The following ZBTB20 variants were observed in gnomAD, a reference collection of about 807,000 sequenced individuals.
ZBTB20 encodes the protein zinc finger and BTB domain-containing protein 20.
Under a neutral mutation model 56.9 loss-of-function variants are expected in ZBTB20, and 9 were observed. The observed-to-expected ratio is 0.16, with a 90% CI of 0.10 to 0.28. The LOEUF is 0.28. Ranked by LOEUF, ZBTB20 falls within the 10% of genes least tolerant of loss-of-function variation. The pLI is 1.00. For synonymous variants in ZBTB20, 417 were observed against 420.7 expected (o/e 0.99, Z 0.11); for missense variants, 655 against 1,003.0 (o/e 0.65, Z 4.69).
intron 2 of ZBTB20, among the ~76,000 whole-genome samples, chr3:114,979,053 C>T (rs554647376): frequency 2.6e-4 from 40 of 151,492 alleles, no homozygotes; most frequent in Admixed American, 1.1e-3. Flanking sequence ...AAGAGAACAA[C>T]AAAGAAAGAA....
intron 2 of ZBTB20, among the ~76,000 whole-genome samples, chr3:115,057,566 A>G (rs1288309484): frequency 1.3e-5 from 2 of 152,152 alleles, no homozygotes; most frequent in Non-Finnish European, 2.9e-5. Flanking sequence ...GCAAAGTGTT[A>G]CCTTTTAAAT....
chr3:114,489,779 A>T (rs2042529376), intron 7 of ZBTB20, among the ~76,000 whole-genome samples: 1 of 152,242 alleles, frequency 6.6e-6, no homozygotes, highest in Non-Finnish European at 1.5e-5. Context: ...TTTACCCCAG[A>T]TGTATCAGCA....
chr3:114,477,489 C>CTTTTTT (rs765333264), intron 7 of ZBTB20, among the ~76,000 whole-genome samples: 19 of 109,232 alleles, frequency 1.7e-4, no homozygotes, highest in Admixed American at 3.7e-4. Context: ...GTTCCCTGCA[C>CTTTTTT]TTTTTTTTTT....
chr3:115,099,264 TG>T (rs1368666933), intron 1 of ZBTB20, among the ~76,000 whole-genome samples: 4 of 152,176 alleles, frequency 2.6e-5, no homozygotes, highest in African/African-American at 9.6e-5. Flanking sequence ...TTACAGTTGT[TG>T]TGCAAGATGG....
At chr3:114,549,890 G>A (rs937376810) in intron 6 of ZBTB20, among the ~76,000 whole-genome samples, 3 of 150,976 alleles carry the variant, frequency 2.0e-5, no homozygotes, top group African/African-American at 7.3e-5. Context: ...TTGCTTTTCT[G>A]TTTCCTCAAT....
intron 6 of ZBTB20, among the ~76,000 whole-genome samples, chr3:114,548,329 C>T (rs984243528): frequency 6.6e-6 from 1 of 152,146 alleles, no homozygotes; most frequent in African/African-American, 2.4e-5. Flanking sequence ...TGAAAACCTA[C>T]AGGGAGTTGA....
intron 6 of ZBTB20, among the ~76,000 whole-genome samples, chr3:114,520,360 A>G (rs1272834456): frequency 6.6e-6 from 1 of 152,178 alleles, no homozygotes; most frequent in African/African-American, 2.4e-5. Context: ...TTCTTAGAGT[A>G]ATGAGTCAAC....
rs144152822 is a variant in ZBTB20 at position 114,543,406 on chromosome 3, A to G, written c.-294-43015T>C. Among the ~76,000 whole-genome samples the G allele has an allele frequency of 8.3e-4, 123 of 148,606 alleles. 1 individual carries two copies. The highest frequency in any genetic ancestry group is 3.0e-3 in the African/African-American group (120 of 40,282). On this transcript the variant is annotated intron_variant, in intron 6 of 11. Transcript: ENST00000675478. ...CTATGTTAAAGCAATGGTGTAGATG[A>G]GATTTCTCTGAATAGAGGGGAGCAG...
At chr3:114,754,368 T>C (rs894317757) in intron 5 of ZBTB20, among the ~76,000 whole-genome samples, 2 of 152,150 alleles carry the variant, frequency 1.3e-5, no homozygotes, top group Non-Finnish European at 2.9e-5. Flanking sequence ...GACCCCATGA[T>C]ACCCTCTCAT....
At chr3:114,552,398 C>A (rs886430605) in intron 6 of ZBTB20, among the ~76,000 whole-genome samples, 4 of 151,790 alleles carry the variant, frequency 2.6e-5, no homozygotes, top group African/African-American at 7.3e-5. Context: ...GACAGTGACA[C>A]CTTTTTGAGC....
chr3:114,518,747 T>C lies in ZBTB20; in HGVS notation c.-294-18356A>G, dbSNP rs563664815. 7 of 152,344 alleles carry C rather than the reference T, an allele frequency of 4.6e-5. No homozygotes were observed. The South Asian group carries it at 1.2e-3, about 27-fold the overall frequency. 9.4% of individuals were successfully genotyped at this position (152,344 alleles called of 1,614,324 possible). A position where few individuals can be genotyped will look rare whatever the true frequency, so the allele number is the denominator to read the frequency against. ...TTTAAGGGATTCTCCAACTCTCTTT[T>C]CTTACCCAAGCTGCATCTTGCTTTA... On this transcript the variant is annotated intron_variant, in intron 6 of 11. Transcript: ENST00000675478.
At chr3:114,399,585 T>G (rs527274831) in intron 7 of ZBTB20, among the ~76,000 whole-genome samples, 22 of 152,232 alleles carry the variant, frequency 1.4e-4, no homozygotes, top group African/African-American at 5.1e-4. Context: ...CTAGATGTTT[T>G]CCTGTCATGT....
At chr3:115,146,106 G>T (rs1440877650) in intron 1 of ZBTB20, among the ~76,000 whole-genome samples, 5 of 152,128 alleles carry the variant, frequency 3.3e-5, no homozygotes, top group Non-Finnish European at 5.9e-5. Context: ...TACTACACCC[G>T]CAAGCTTCCA....
intron 6 of ZBTB20, among the ~76,000 whole-genome samples, chr3:114,609,832 G>A (rs2057421770): frequency 6.6e-6 from 1 of 152,192 alleles, no homozygotes; most frequent in South Asian, 2.1e-4. Flanking sequence ...AGATAGCAGA[G>A]GTATGTGGAC....
At chr3:115,058,140 G>A (rs1008409277) in intron 2 of ZBTB20, among the ~76,000 whole-genome samples, 11 of 152,022 alleles carry the variant, frequency 7.2e-5, no homozygotes, top group East Asian at 1.9e-4. Context: ...CCCACAACAC[G>A]GGGATTATGG....
chr3:114,998,414 T>G (rs190396922), intron 2 of ZBTB20, among the ~76,000 whole-genome samples: 117 of 151,848 alleles, frequency 7.7e-4, no homozygotes, highest in African/African-American at 2.5e-3. Context: ...TAACTAGACT[T>G]AATCATAAGA....
chr3:114,976,069 T>C (rs549355851), intron 2 of ZBTB20, among the ~76,000 whole-genome samples: 1 of 152,362 alleles, frequency 6.6e-6, no homozygotes, highest in South Asian at 2.1e-4. Context: ...ATTGTCATTC[T>C]GCAACTACAA....
At chr3:115,085,030 C>T (rs1560559579) in intron 1 of ZBTB20, among the ~76,000 whole-genome samples, 1 of 151,946 alleles carries the variant, frequency 6.6e-6, no homozygotes, top group Admixed American at 6.6e-5. Flanking sequence ...TTGGAGACTA[C>T]ATGTGAAAAC....
chr3:115,040,619 T>C (rs938790021), intron 2 of ZBTB20, among the ~76,000 whole-genome samples: 3 of 152,020 alleles, frequency 2.0e-5, no homozygotes, highest in East Asian at 1.9e-4. Context: ...AGAGTGAAAA[T>C]AAGACTGACA....
Sources: gnomAD v4.1 joint callset for allele counts (sites outside exome capture counted in the v4.1 genomes callset) on GRCh38, gnomAD v4.1.1 for gene constraint, MANE v1.5 for transcripts, NCBI Gene and HGNC (gene_info 2026-07-23, HGNC 2026-07-21) for gene names.